FAM120B: variants seen among roughly 807,000 people sequenced by gnomAD.
FAM120B encodes family with sequence similarity 120 member B.
FAM120B carries 83 observed loss-of-function variants against 96.3 expected under a neutral mutation model. That is an observed-to-expected ratio of 0.86 (90% confidence interval 0.72 to 1.03). The LOEUF (loss-of-function observed/expected upper bound fraction) is 1.03, where lower values mean the gene tolerates loss of function less well. Among genes scored for constraint, FAM120B ranks in the 50% least tolerant of loss-of-function variants. The pLI is 0.00. For synonymous variants in FAM120B, 407 were observed against 402.7 expected (o/e 1.01, Z -0.13); for missense variants, 1,027 against 1,121.2 (o/e 0.92, Z 1.20).
upstream of FAM120B, among the ~76,000 whole-genome samples, chr6:170,305,176 G>A (rs17860729): frequency 0.1 from 15,694 of 151,908 alleles, 1,030 homozygotes; most frequent in East Asian, 0.2. Flanking sequence ...TGGGGGGGGC[G>A]GGGGACAGAA....
At chr6:170,346,374 G>T (rs1787189928) in intron 4 of FAM120B, among the ~76,000 whole-genome samples, 1 of 152,106 alleles carries the variant, frequency 6.6e-6, no homozygotes, top group Admixed American at 6.5e-5. Flanking sequence ...TGGTAGAATT[G>T]TACATTGTTT....
At chr6:170,386,445 A>G (rs760990788) in intron 6 of FAM120B, among the ~76,000 whole-genome samples, 5 of 152,256 alleles carry the variant, frequency 3.3e-5, no homozygotes, top group Non-Finnish European at 5.9e-5. Flanking sequence ...GAATATTTAT[A>G]CCAATACATT....
intron 9 of FAM120B, among the ~76,000 whole-genome samples, chr6:170,401,216 C>G (rs1238179965): frequency 1.3e-5 from 2 of 152,234 alleles, no homozygotes. Flanking sequence ...AGGAACCCCC[C>G]AGTCGCCCCG....
intron 4 of FAM120B, 90 bp from the exon 5 acceptor site, chr6:170,348,061 T>C: frequency 9.6e-7 from 1 of 1,038,344 alleles, no homozygotes; most frequent in Non-Finnish European, 1.4e-6. Context: ...AGGGAAGAGA[T>C]TTGTTTCCTT....
chr6:170,379,080 T>C (rs1583294174), intron 6 of FAM120B, among the ~76,000 whole-genome samples: 2 of 152,278 alleles, frequency 1.3e-5, no homozygotes, highest in Non-Finnish European at 2.9e-5. Context: ...AACGAAGGAA[T>C]GACATGACCC....
chr6:170,382,265 T>C (rs1419623254), intron 6 of FAM120B, among the ~76,000 whole-genome samples: 1 of 151,960 alleles, frequency 6.6e-6, no homozygotes, highest in Non-Finnish European at 1.5e-5. Flanking sequence ...CTACAAAAAA[T>C]TGAAAAATTA....
Position 170,328,950 on chromosome 6 carries a change from A to G in FAM120B, c.1916-1499A>G, listed in dbSNP as rs79263612. ...GTGGCTTTTACTTTACAGCTAGCAC[A>G]GCCCTACTCCTAAGGCAGGGCCTTC... On this transcript the variant is annotated intron_variant, in intron 3 of 10. Coordinates refer to ENST00000476287, the MANE Select transcript of FAM120B (RefSeq NM_032448.3). 3.5e-3 allele frequency among the ~76,000 whole-genome samples: 540 copies of G among 152,344 alleles called. 2 individuals carry two copies. The highest frequency in any genetic ancestry group is 0.012 in the African/African-American group (493 of 41,580).
rs78450636 is a variant in FAM120B, at chr6:170,374,845, C to T, written c.2284-13442C>T. On this transcript the variant is annotated intron_variant, in intron 6 of 10. Transcript: ENST00000476287. ...TGCAGCATGTCATAGCAGCTTTACCCGTGAAGGGCCGTCAGAGCACATCAG... is the reference window on the plus strand; with the variant it reads ...TGCAGCATGTCATAGCAGCTTTACCTGTGAAGGGCCGTCAGAGCACATCAG... Among the ~76,000 whole-genome samples the T allele has an allele frequency of 0.044, 6,666 of 152,268 alleles. 1,036 individuals are homozygous for T. In the East Asian group the frequency reaches 0.57, roughly 13 times the overall value.
intron 2 of FAM120B, 87 bp downstream of exon 2, chr6:170,319,211 G>GT: frequency 7.5e-7 from 1 of 1,325,620 alleles, no homozygotes; most frequent in Non-Finnish European, 1.0e-6. Flanking sequence ...CTGCCTCAGT[G>GT]TTTGGCCACT....
chr6:170,327,953 T>G (rs1347373887), intron 3 of FAM120B, among the ~76,000 whole-genome samples: 1 of 152,220 alleles, frequency 6.6e-6, no homozygotes, highest in African/African-American at 2.4e-5. Flanking sequence ...GAGTGGGAAG[T>G]GAATGGGAAG....
Position 170,317,652 on chromosome 6 carries a change from T to C in FAM120B, c.262T>C (p.Phe88Leu). 6.2e-7 allele frequency: 1 copy of C among 1,614,198 alleles called. No homozygotes were observed. Among genetic ancestry groups the C allele is most frequent in the Non-Finnish European group, 8.5e-7 (1 of 1,180,046 alleles). ...FTAAGIKLIFFFDGMVEQDKR... is the reference protein window; with the variant it reads ...FTAAGIKLIFLFDGMVEQDKR... ...GGCAGCTGGGATCAAGTTGATATTCTTCTTTGATGGCATGGTGGAGCAGGA... is the reference window on the plus strand; with the variant it reads ...GGCAGCTGGGATCAAGTTGATATTCCTCTTTGATGGCATGGTGGAGCAGGA... The change falls in exon 2 of 11, where the codon TTC becomes CTC. Residue 88 changes from phenylalanine (F) to leucine (L), a missense_variant. Phe to Leu is a conservative substitution (Grantham distance 22, BLOSUM62 0). Around this residue, in one of 3 missense-constraint regions of FAM120B, gnomAD observed 880 missense variants for 980.9 expected, o/e 0.90. Transcript: ENST00000476287.
intron 4 of FAM120B, among the ~76,000 whole-genome samples, chr6:170,336,984 G>C (rs961748612): frequency 6.6e-6 from 1 of 152,160 alleles, no homozygotes; most frequent in African/African-American, 2.4e-5. Context: ...TGCAAACAGA[G>C]ACAATTTGAT....
chr6:170,291,100 T>G, upstream of FAM120B: 1 of 642,590 alleles, frequency 1.6e-6, no homozygotes, highest in Non-Finnish European at 2.8e-6. Flanking sequence ...TGTGCAACCC[T>G]CCTCCCCGCC....
intron 2 of FAM120B, among the ~76,000 whole-genome samples, chr6:170,320,079 CTG>C (rs1785188905): frequency 6.6e-6 from 1 of 152,212 alleles, no homozygotes; most frequent in Non-Finnish European, 1.5e-5. Context: ...CAGAAGAGGT[CTG>C]TGTCCACATG....
chr6:170,309,361 A>G (rs1196380658), intron 1 of FAM120B, among the ~76,000 whole-genome samples: 1 of 152,224 alleles, frequency 6.6e-6, no homozygotes, highest in Non-Finnish European at 1.5e-5. Flanking sequence ...TTTTGCAAAT[A>G]AGGACATCAG....
chr6:170,292,603 T>C (rs964857730), upstream of FAM120B, among the ~76,000 whole-genome samples: 1 of 152,216 alleles, frequency 6.6e-6, no homozygotes, highest in African/African-American at 2.4e-5. The surrounding 1 kb of genome is among the most constrained non-coding windows in gnomAD (Gnocchi z 6.6). Context: ...CCGGCAAATG[T>C]CTTGATCAAA....
chr6:170,295,399 C>G lies in FAM120B; in HGVS notation c.-7C>G, dbSNP rs1161660156. ...CCTGGAAAAGGGAGGGGGCATCGAT[C>G]TGGTTTATGTTTGGACCTCGAGGCT... is the stretch of plus-strand genomic sequence containing the variant. On this transcript the variant is annotated 5_prime_UTR_variant, in exon 1 of 11. Coordinates refer to the FAM120B transcript ENST00000537664. This position sits in a 1 kb window ranked among gnomAD's most constrained non-coding sequence, Gnocchi z 7.8. 1 of 701,532 alleles carries G rather than the reference C, an allele frequency of 1.4e-6. No homozygotes were observed. Among genetic ancestry groups the G allele is most frequent in the Non-Finnish European group, 2.6e-6 (1 of 384,522 alleles). 43.5% of individuals were successfully genotyped at this position (701,532 alleles called of 1,614,324 possible).
At chr6:170,324,957 G>A (rs1361413371) in intron 3 of FAM120B, among the ~76,000 whole-genome samples, 1 of 152,170 alleles carries the variant, frequency 6.6e-6, no homozygotes, top group East Asian at 1.9e-4. Flanking sequence ...TGTTAATAAG[G>A]CTATTCCAAG....
At chr6:170,400,511 C>G (rs540002055) in intron 9 of FAM120B, among the ~76,000 whole-genome samples, 1 of 152,226 alleles carries the variant, frequency 6.6e-6, no homozygotes, top group African/African-American at 2.4e-5. Context: ...AGCGCTGGTT[C>G]TGCCCCTTCC....
Sources: gnomAD v4.1 joint callset for allele counts (sites outside exome capture counted in the v4.1 genomes callset) on GRCh38, gnomAD v4.1.1 for gene constraint, gnomAD v4.1.1 regional missense constraint, Gnocchi (gnomAD v3.1) non-coding constraint, MANE v1.5 for transcripts, NCBI Gene and HGNC (gene_info 2026-07-23, HGNC 2026-07-21) for gene names.